Variants in LRRC47 observed in about 807,000 individuals in gnomAD.
LRRC47 encodes the protein leucine rich repeat containing 47.
LRRC47 carries 31 observed loss-of-function variants against 40.9 expected under a neutral mutation model. That is an observed-to-expected ratio of 0.76 (90% CI 0.57 to 1.02). LRRC47 has a LOEUF of 1.02. LRRC47 is among the 50% of genes least tolerant of loss of function. The pLI is 0.00. For synonymous variants in LRRC47, 427 were observed against 371.9 expected (o/e 1.15, Z -1.70); for missense variants, 726 against 796.1 (o/e 0.91, Z 1.06).
Position 3,780,966 on chromosome 1 carries a change from C to T in LRRC47, c.*122G>A, listed in dbSNP as rs896085484. On this transcript the variant is annotated 3_prime_UTR_variant, in exon 7 of 7. Coordinates refer to ENST00000378251, the MANE Select transcript of LRRC47 (RefSeq NM_020710.3). ...ACTCCAGCCTGGCGACAGAGCGAGA[C>T]TCCATCTCAAAAAAAAAAACCAACA... The T allele has an allele frequency of 3.5e-6, 5 of 1,429,114 alleles. No homozygotes were observed. The Admixed American group carries it at 8.5e-5, about 24-fold the overall frequency. 88.5% of individuals were successfully genotyped at this position (1,429,114 alleles called of 1,614,324 possible). A position where few individuals can be genotyped will look rare whatever the true frequency, so the allele number is the denominator to read the frequency against.
rs183018284 is a variant in LRRC47, at chr1:3,789,994, G to A, written c.616-2684C>T. ...GGCTTTGGGGAGGATGAGTTACACA[G>A]GGGGTGGCTAGGGGTCCTCCTGACA... On this transcript the variant is annotated intron_variant, in intron 1 of 6. Transcript: ENST00000378251. Among the ~76,000 whole-genome samples, 189 of 152,344 alleles carry A rather than the reference G, an allele frequency of 1.2e-3. 1 individual carries two copies. Among genetic ancestry groups the A allele is most frequent in the African/African-American group, 4.4e-3 (181 of 41,584 alleles).
chr1:3,794,088 G>A lies in LRRC47; in HGVS notation c.615+1774C>T, dbSNP rs577197135. The stretch of plus-strand genomic sequence containing the variant: ...CGGGCGCTTGTAGTCCCAGCTACTC[G>A]GGAGGCTGAGGCAGGAGAATGGCGT... On this transcript the variant is annotated intron_variant, in intron 1 of 6. Transcript: ENST00000378251. Among the ~76,000 whole-genome samples, 23 of 151,880 alleles carry A rather than the reference G, an allele frequency of 1.5e-4. 1 individual carries two copies. The highest frequency in any genetic ancestry group is 3.4e-3 in the Middle Eastern group (1 of 294).
chr1:3,787,655 A>G (rs1320560011), intron 1 of LRRC47, among the ~76,000 whole-genome samples: 1 of 152,212 alleles, frequency 6.6e-6, no homozygotes, highest in Non-Finnish European at 1.5e-5. Flanking sequence ...AGGTGACAAG[A>G]GACAGGGGAT....
At chr1:3,790,943 C>T (rs1402043802) in intron 1 of LRRC47, among the ~76,000 whole-genome samples, 1 of 152,224 alleles carries the variant, frequency 6.6e-6, no homozygotes, top group Non-Finnish European at 1.5e-5. Flanking sequence ...TCCCAAAGAA[C>T]CGGAACTGGG....
chr1:3,779,702 G>A lies in LRRC47; in HGVS notation c.*1386C>T, dbSNP rs976588891. ...GTCCCTCGGCTGGCTGAGGACTGCCGATGCTTCCCAAGCAGAGGCGTCTGG... is the reference window on the plus strand; with the variant it reads ...GTCCCTCGGCTGGCTGAGGACTGCCAATGCTTCCCAAGCAGAGGCGTCTGG... On this transcript the variant is annotated 3_prime_UTR_variant, in exon 7 of 7. Transcript: ENST00000378251. 5.3e-5 allele frequency: 8 copies of A among 152,138 alleles called. No homozygotes were observed. Among genetic ancestry groups the A allele is most frequent in the East Asian group, 1.9e-4 (1 of 5,172 alleles). 9.4% of individuals were successfully genotyped at this position (152,138 alleles called of 1,614,324 possible).
chr1:3,794,028 T>C (rs1643651126), intron 1 of LRRC47, among the ~76,000 whole-genome samples: 1 of 152,070 alleles, frequency 6.6e-6, no homozygotes, highest in African/African-American at 2.4e-5. Context: ...ACTCCATCTC[T>C]ACTAAAAATA....
In LRRC47 at chr1:3,779,874, A is replaced by AG. The variant is rs1412658445; in HGVS notation, c.*1213dup. 1 of 152,154 alleles carries AG rather than the reference A, an allele frequency of 6.6e-6. No homozygotes were observed. The highest frequency in any genetic ancestry group is 1.5e-5 in the Non-Finnish European group (1 of 68,042). 9.4% of individuals were successfully genotyped at this position (152,154 alleles called of 1,614,324 possible). On this transcript the variant is annotated 3_prime_UTR_variant, in exon 7 of 7. Transcript: ENST00000378251. ...TTCAGCCTACAGGCTGCTTGCCTGA[A>AG]GGGGTCTCCACATCTCCACCCCCAC...
At chr1:3,781,464 C>A in intron 6 of LRRC47, 48 bp downstream of exon 6, 1 of 1,583,400 alleles carries the variant, frequency 6.3e-7, no homozygotes. Context: ...GAGCAGAGCA[C>A]CACTCACGCT....
Position 3,796,150 on chromosome 1 carries a change from G to C in LRRC47, c.327C>G (p.Asn109Lys). Residue 109 changes from asparagine (N) to lysine (K), a missense_variant, in exon 1 of 7, where the codon AAC becomes AAG. Transcript: ENST00000378251. ...GGCCCGGCGGCAGCGCCTCCAGCGC[G>C]TTGCCCGACAGGTCGAGCACCCGAA... ...PALRVLDLSGNALEALPPGQG... is the reference protein window; with the variant it reads ...PALRVLDLSGKALEALPPGQG... 2 of 1,437,764 alleles carry C rather than the reference G, an allele frequency of 1.4e-6. No homozygotes were observed. Among genetic ancestry groups the C allele is most frequent in the South Asian group, 2.8e-5 (2 of 72,570 alleles). 89.1% of individuals were successfully genotyped at this position (1,437,764 alleles called of 1,614,324 possible). A position where few individuals can be genotyped will look rare whatever the true frequency, so the allele number is the denominator to read the frequency against.
intron 1 of LRRC47, among the ~76,000 whole-genome samples, chr1:3,787,831 G>A (rs748766703): frequency 1.6e-4 from 24 of 152,162 alleles, no homozygotes; most frequent in Admixed American, 4.6e-4. Flanking sequence ...AAAGTTGCCC[G>A]CAGTGACACA....
intron 4 of LRRC47, 36 bp downstream of exon 4, chr1:3,783,960 C>A: frequency 1.3e-6 from 2 of 1,553,636 alleles, no homozygotes; most frequent in East Asian, 2.4e-5. Context: ...GGCACTCCCC[C>A]GGGCCCGGCC....
intron 5 of LRRC47, 125 bp downstream of exon 5, chr1:3,782,536 C>T (rs902837812): frequency 3.0e-5 from 20 of 664,766 alleles, no homozygotes; most frequent in Admixed American, 9.1e-5. Flanking sequence ...TCAGGTGATC[C>T]GCCCACCTCG....
chr1:3,781,344 T>TA lies in LRRC47; in HGVS notation c.1504-9dup, dbSNP rs1643518220. The TA allele has an allele frequency of 3.1e-6, 5 of 1,610,786 alleles. No homozygotes were observed. Among genetic ancestry groups the TA allele is most frequent in the South Asian group, 1.1e-5 (1 of 91,002 alleles). On this transcript the variant is annotated splice_polypyrimidine_tract_variant and intron_variant, in intron 6 of 6. Coordinates refer to ENST00000378251, the MANE Select transcript of LRRC47 (RefSeq NM_020710.3). Reference sequence around the variant, plus strand: ...TTTCATTTCTGCCATTTTCTGCAAATAAAAAATACCTTTTTAACCTGGAGA... The same window carrying TA: ...TTTCATTTCTGCCATTTTCTGCAAATAAAAAAATACCTTTTTAACCTGGAGA...
At chr1:3,783,561 G>A (rs539061833) in intron 4 of LRRC47, among the ~76,000 whole-genome samples, 4 of 152,306 alleles carry the variant, frequency 2.6e-5, no homozygotes, top group South Asian at 4.1e-4. Flanking sequence ...TCTGAAGCCT[G>A]TGTTTACAGA....
chr1:3,793,740 G>A (rs758961798), intron 1 of LRRC47, among the ~76,000 whole-genome samples: 53 of 151,940 alleles, frequency 3.5e-4, no homozygotes, highest in Non-Finnish European at 6.0e-4. Context: ...AGAGCTCCCC[G>A]CAGCCCCAGC....
rs373882442 is a variant in LRRC47, at chr1:3,787,239, C to T, written c.687G>A (p.Glu229=). The change falls in exon 2 of 7, where the codon GAG becomes GAA. Residue 229 remains glutamate, a synonymous_variant. Coordinates refer to ENST00000378251, the MANE Select transcript of LRRC47 (RefSeq NM_020710.3). ...AELADCPKLK[E]INFRGNKLRD... ...TCAGCTTGTTCCCACGGAAATTGAT[C>T]TCCTTGAGCTTGGGGCAGTCCGCAA... 6.2e-7 allele frequency: 1 copy of T among 1,613,562 alleles called. No homozygotes were observed. The highest frequency in any genetic ancestry group is 1.3e-5 in the African/African-American group (1 of 74,938).
At position 3,783,971 on chromosome 1, in the gene LRRC47, C is replaced by A. The variant is rs371330730; in HGVS notation, c.1310+25G>T. Reference sequence around the variant, plus strand: ...ATGCGGCACTCCCCCGGGCCCGGCCCCACCCCACCAGGCACGCTGCCCACC... The same window carrying A: ...ATGCGGCACTCCCCCGGGCCCGGCCACACCCCACCAGGCACGCTGCCCACC... On this transcript the variant is annotated intron_variant, in intron 4 of 6. Coordinates refer to ENST00000378251, the MANE Select transcript of LRRC47 (RefSeq NM_020710.3). 9.2e-5 allele frequency: 145 copies of A among 1,583,592 alleles called. 1 individual carries two copies. The African/African-American group carries it at 1.8e-3, about 20-fold the overall frequency.
rs191426365 is a variant in LRRC47, at chr1:3,790,529, G to A, written c.616-3219C>T. Among the ~76,000 whole-genome samples the A allele has an allele frequency of 2.2e-3, 333 of 152,328 alleles. 1 individual carries two copies. The highest frequency in any genetic ancestry group is 5.8e-3 in the East Asian group (30 of 5,184). On this transcript the variant is annotated intron_variant, in intron 1 of 6. Transcript: ENST00000378251. ...ACAATGCAGTCAGGAGAGGTGTGACGTGCCCCCATCCTCGGCTCACCACAG... is the reference window on the plus strand; with the variant it reads ...ACAATGCAGTCAGGAGAGGTGTGACATGCCCCCATCCTCGGCTCACCACAG...
chr1:3,787,665 T>C (rs1344678979), intron 1 of LRRC47, among the ~76,000 whole-genome samples: 5 of 152,154 alleles, frequency 3.3e-5, no homozygotes, highest in Admixed American at 2.0e-4. Flanking sequence ...AGACAGGGGA[T>C]GTCTGGGTGT....
Sources: allele counts gnomAD v4.1 joint callset (sites outside exome capture counted in the v4.1 genomes callset), GRCh38; gene constraint gnomAD v4.1.1; transcripts MANE v1.5; gene names NCBI Gene and HGNC (gene_info 2026-07-23, HGNC 2026-07-21).